The following SPOUT1 variants were observed in gnomAD, a reference collection of about 807,000 sequenced individuals.
SPOUT1 encodes SPOUT domain containing methyltransferase 1, also known as 28S rRNA (uridine-N(3))-methyltransferase.
Under a neutral mutation model 54.8 loss-of-function variants are expected in SPOUT1, and 40 were observed. The ratio of observed to expected loss-of-function variants is 0.73; its 90% CI spans 0.57 to 0.95. SPOUT1 has a LOEUF of 0.95. Among genes scored for constraint, SPOUT1 ranks in the 40% least tolerant of loss-of-function variants. The pLI, the probability that SPOUT1 is intolerant of heterozygous loss-of-function variation, is 0.00. For synonymous variants in SPOUT1, 193 were observed against 200.3 expected, an observed-to-expected ratio of 0.96 and a Z score of 0.31; for missense variants, 437 against 499.5, an observed-to-expected ratio of 0.87 and a Z score of 1.19.
chr9:128,828,653 T>G, intron 3 of SPOUT1, 82 bp downstream of exon 3: 1 of 1,498,448 alleles, frequency 6.7e-7, no homozygotes, highest in South Asian at 1.2e-5. Context: ...TAAAGGCCCT[T>G]TCAGATAAGA....
chr9:128,828,387 T>C (rs1291345214), intron 3 of SPOUT1, among the ~76,000 whole-genome samples: 5 of 151,632 alleles, frequency 3.3e-5, no homozygotes, highest in Non-Finnish European at 1.5e-5. Context: ...TCCCAACTAC[T>C]CGGGGGGCCG....
At position 128,827,012 on chromosome 9, in the gene SPOUT1, C is replaced by A. The variant is rs537357735; in HGVS notation, c.368+20G>T. The A allele has an allele frequency of 4.3e-6, 7 of 1,611,020 alleles. No individual in the cohort carries two copies. Among genetic ancestry groups the A allele is most frequent in the East Asian group, 2.2e-5 (1 of 44,850 alleles). On this transcript the variant is annotated intron_variant, in intron 4 of 11. Transcript: ENST00000361256. ...CCTCCCTCTCCCTGAACCCTGGCACCCTGTGGGATGGCCCCTTACTTGGCA... is the reference window on the plus strand; with the variant it reads ...CCTCCCTCTCCCTGAACCCTGGCACACTGTGGGATGGCCCCTTACTTGGCA...
chr9:128,829,035 G>A, intron 2 of SPOUT1, 75 bp downstream of exon 2: 1 of 1,519,832 alleles, frequency 6.6e-7, no homozygotes, highest in East Asian at 2.3e-5. Context: ...AACAAAGTTG[G>A]TGTCTTTCTC....
At position 128,828,840 on chromosome 9, in the gene SPOUT1, ATTT is replaced by A; in HGVS notation, c.100_102del (p.Lys34del). On this transcript the variant is annotated inframe_deletion, in exon 3 of 12. Transcript: ENST00000361256. ...TTTTTCATCAGCTTGAGATCCTTCC[ATTT>A]TTTTTTCTCCTCTTTCTCTGGATAA... The A allele has an allele frequency of 6.3e-7, 1 of 1,596,974 alleles. No individual in the cohort carries two copies. The highest frequency in any genetic ancestry group is 8.6e-7 in the Non-Finnish European group (1 of 1,168,208).
In SPOUT1 at chr9:128,822,335, G is replaced by A; in HGVS notation, c.*430C>T. 2 of 1,613,496 alleles carry A rather than the reference G, an allele frequency of 1.2e-6. No individual in the cohort carries two copies. The highest frequency in any genetic ancestry group is 1.7e-6 in the Non-Finnish European group (2 of 1,179,788). ...GCCTGGGTCTGCCCACAGGACAGAG[G>A]CTGATGGGAAATCCTACGTAAAGTA... On this transcript the variant is annotated 3_prime_UTR_variant, in exon 12 of 12. Transcript: ENST00000361256.
rs747950682 is a variant in SPOUT1, at chr9:128,820,878, C to T, written c.*1887G>A. ...GGTGGAAACCAGGGGGGCGGCAGAA[C>T]CTCCCACTCACCTGAGGCCCCTACT... is the stretch of plus-strand genomic sequence containing the variant. On this transcript the variant is annotated 3_prime_UTR_variant, in exon 12 of 12. Coordinates refer to ENST00000361256, the MANE Select transcript of SPOUT1 (RefSeq NM_016390.4). 22 of 1,573,774 alleles carry T rather than the reference C, an allele frequency of 1.4e-5. No individual in the cohort carries two copies. The highest frequency in any genetic ancestry group is 1.8e-5 in the Non-Finnish European group (21 of 1,155,748).
At position 128,826,977 on chromosome 9, in the gene SPOUT1, C is replaced by G; in HGVS notation, c.368+55G>C. 3.2e-6 allele frequency: 5 copies of G among 1,571,696 alleles called. No individual in the cohort carries two copies. Among genetic ancestry groups the G allele is most frequent in the South Asian group, 1.1e-5 (1 of 87,490 alleles). On this transcript the variant is annotated intron_variant, in intron 4 of 11. Coordinates refer to ENST00000361256, the MANE Select transcript of SPOUT1 (RefSeq NM_016390.4). The surrounding 1 kb of genome is among the most constrained non-coding windows in gnomAD (Gnocchi z 5.5). Reference sequence around the variant, plus strand: ...GGGCCATGGTGAAGCCTCGGCCCATCCCGGCAGCCCCTCCCTCTCCCTGAA... The same window carrying G: ...GGGCCATGGTGAAGCCTCGGCCCATGCCGGCAGCCCCTCCCTCTCCCTGAA...
rs1037682484 is a variant in SPOUT1, at chr9:128,822,054, T to C, written c.*711A>G. On this transcript the variant is annotated 3_prime_UTR_variant, in exon 12 of 12. Transcript: ENST00000361256. The stretch of plus-strand genomic sequence containing the variant: ...AAGTCTCCCCTCAGACGAATGTGAA[T>C]ATTCAGAAGGCTCGATTCTCCTAGC... The C allele has an allele frequency of 1.4e-5, 7 of 502,324 alleles. No homozygotes were observed. Among genetic ancestry groups the C allele is most frequent in the African/African-American group, 7.7e-5 (4 of 51,898 alleles). The allele number at this position is 502,324 out of a possible 1,614,324, so 31.1% of individuals were successfully genotyped here. A position where few individuals can be genotyped will look rare whatever the true frequency, so the allele number is the denominator to read the frequency against.
At chr9:128,824,301 C>CGTGT (rs1035852163) in intron 9 of SPOUT1, 127 bp from the exon 10 acceptor site, 1 of 461,536 alleles carries the variant, frequency 2.2e-6, no homozygotes, top group Non-Finnish European at 3.9e-6. Context: ...TGTGTGTGTG[C>CGTGT]GTGTGTGTAC....
chr9:128,827,411 C>T (rs923129749), intron 3 of SPOUT1, among the ~76,000 whole-genome samples: 1 of 152,218 alleles, frequency 6.6e-6, no homozygotes, highest in Admixed American at 6.5e-5. Flanking sequence ...GGCTGTGGAG[C>T]GGTTAGTAGC....
intron 1 of SPOUT1, 79 bp from the exon 2 acceptor site, chr9:128,829,234 G>A (rs1349007342): frequency 1.6e-5 from 19 of 1,223,514 alleles, no homozygotes; most frequent in Non-Finnish European, 2.2e-5. Context: ...CTGCACCATA[G>A]CCAGCCCCTC....
In SPOUT1 at chr9:128,820,865, G is replaced by C. The variant is rs189147687; in HGVS notation, c.*1900C>G. 3.3e-5 allele frequency: 53 copies of C among 1,590,556 alleles called. 1 individual carries two copies. In the African/African-American group the frequency reaches 3.8e-4, roughly 11 times the overall value. On this transcript the variant is annotated 3_prime_UTR_variant, in exon 12 of 12. Transcript: ENST00000361256. The stretch of plus-strand genomic sequence containing the variant: ...CCTGCCCAGGTAAGGTGGAAACCAG[G>C]GGGGCGGCAGAACCTCCCACTCACC...
chr9:128,826,301 G>A lies in SPOUT1; in HGVS notation c.508+83C>T, dbSNP rs1270115615. Reference sequence around the variant, plus strand: ...TCTCCCAGGCCTGCTTTCCCACCTGGACAGCGCAGGGTAGGACTGGGTGGT... The same window carrying A: ...TCTCCCAGGCCTGCTTTCCCACCTGAACAGCGCAGGGTAGGACTGGGTGGT... On this transcript the variant is annotated intron_variant, in intron 6 of 11. Coordinates refer to ENST00000361256, the MANE Select transcript of SPOUT1 (RefSeq NM_016390.4). The surrounding 1 kb of genome is among the most constrained non-coding windows in gnomAD (Gnocchi z 5.5). 24 of 1,574,276 alleles carry A rather than the reference G, an allele frequency of 1.5e-5. No individual in the cohort carries two copies. Among genetic ancestry groups the A allele is most frequent in the Non-Finnish European group, 2.0e-5 (23 of 1,144,276 alleles).
At chr9:128,829,546 C>T (rs1018884224) in intron 1 of SPOUT1, among the ~76,000 whole-genome samples, 199 bp downstream of exon 1, 1 of 152,210 alleles carries the variant, frequency 6.6e-6, no homozygotes, top group African/African-American at 2.4e-5. Context: ...GCCAGGGAGC[C>T]GCAGGGGGTT....
rs901389933 is a variant in SPOUT1 at position 128,827,151 on chromosome 9, G to A, written c.249C>T (p.Ile83=). 3.4e-5 allele frequency: 55 copies of A among 1,613,824 alleles called. No homozygotes were observed. Among genetic ancestry groups the A allele is most frequent in the Non-Finnish European group, 4.6e-5 (54 of 1,180,036 alleles). The change falls in exon 4 of 12, where the codon ATC becomes ATT. Residue 83 remains isoleucine (I), a synonymous_variant. Coordinates refer to ENST00000361256, the MANE Select transcript of SPOUT1 (RefSeq NM_016390.4). ...YTLSVALPGS[I]LDNAQSPELR... ...GCTCCGGCGACTGAGCATTGTCCAG[G>A]ATGGAGCCCGGCAGGGCTACGCTCA... is the stretch of plus-strand genomic sequence containing the variant.
Position 128,828,719 on chromosome 9 carries a change from C to CA in SPOUT1, c.208+15dup. The CA allele has an allele frequency of 6.2e-7, 1 of 1,612,740 alleles. No homozygotes were observed. Among genetic ancestry groups the CA allele is most frequent in the Non-Finnish European group, 8.5e-7 (1 of 1,179,996 alleles). On this transcript the variant is annotated intron_variant, in intron 3 of 11. Transcript: ENST00000361256. ...GTGGGCCACAACCTGTGGCCCTCCCCAAGACCCCAGCTCACCGCGGTCCTC... is the reference window on the plus strand; with the variant it reads ...GTGGGCCACAACCTGTGGCCCTCCCCAAAGACCCCAGCTCACCGCGGTCCTC...
chr9:128,822,978 GC>G, intron 11 of SPOUT1, 145 bp from the exon 12 acceptor site: 1 of 631,522 alleles, frequency 1.6e-6, no homozygotes, highest in South Asian at 1.9e-5. Context: ...TTAATGACAG[GC>G]CCAGGTTCAC....
intron 10 of SPOUT1, 87 bp downstream of exon 10, chr9:128,823,985 C>G (rs1027231584): frequency 6.3e-7 from 1 of 1,576,484 alleles, no homozygotes. Context: ...CCCCAGACAG[C>G]AGGGGCCCAT....
intron 2 of SPOUT1, 125 bp from the exon 3 acceptor site, chr9:128,828,985 C>CCCCT: frequency 6.7e-7 from 1 of 1,497,746 alleles, no homozygotes; most frequent in Non-Finnish European, 9.3e-7. Context: ...GGGCTCCCGG[C>CCCCT]CCCTGCCTCC....
Sources: allele counts gnomAD v4.1 joint callset (sites outside exome capture counted in the v4.1 genomes callset), GRCh38; gene constraint gnomAD v4.1.1; non-coding constraint Gnocchi (gnomAD v3.1); transcripts MANE v1.5; gene names NCBI Gene and HGNC (gene_info 2026-07-23, HGNC 2026-07-21).